Variants in PTPRT observed in about 807,000 individuals in gnomAD.
PTPRT encodes protein tyrosine phosphatase receptor type T, also known as receptor-type tyrosine-protein phosphatase T.
PTPRT carries 56 observed loss-of-function variants against 176.8 expected under a neutral mutation model. That is an observed-to-expected ratio of 0.32 (90% CI 0.26 to 0.40). PTPRT has a LOEUF of 0.40. Ranked by LOEUF, PTPRT falls within the 10% of genes least tolerant of loss-of-function variation. PTPRT has a pLI of 1.00. For missense variants in PTPRT, 1,540 were observed against 1,908.2 expected, an observed-to-expected ratio of 0.81 and a Z score of 3.60; for synonymous variants, 783 against 739.0, an observed-to-expected ratio of 1.06 and a Z score of -0.96.
In PTPRT at chr20:42,315,846, G is replaced by T. The variant is rs1303359688; in HGVS notation, c.2016C>A (p.Asn672Lys). The T allele has an allele frequency of 2.5e-6, 4 of 1,614,078 alleles. No individual in the cohort carries two copies. The highest frequency in any genetic ancestry group is 3.4e-6 in the Non-Finnish European group (4 of 1,180,040). Residue 672 changes from asparagine to lysine, a missense_variant, in exon 12 of 31, where the codon AAC (asparagine) becomes AAA (lysine). By Grantham distance (94) the Asn-to-Lys change is moderately conservative. Around this residue, in one of 11 missense-constraint regions of PTPRT, gnomAD observed 81 missense variants for 89.9 expected, o/e 0.90. Coordinates refer to ENST00000373187, the MANE Select transcript of PTPRT (RefSeq NM_007050.6). ...CTGTAAATGGCTGGGTGACAGGCAGGTTGGCAGGCTTCAACTCAGCAGCAA... is the reference window on the plus strand; with the variant it reads ...CTGTAAATGGCTGGGTGACAGGCAGTTTGGCAGGCTTCAACTCAGCAGCAA... ...HYFAAELKPA[N>K]LPVTQPFTVG...
intron 1 of PTPRT, among the ~76,000 whole-genome samples, chr20:42,915,810 G>A (rs1003433274): frequency 1.3e-5 from 2 of 151,514 alleles, no homozygotes; most frequent in Non-Finnish European, 2.9e-5. Flanking sequence ...TGTTGCCCAG[G>A]CTGGTCTTGA....
intron 1 of PTPRT, among the ~76,000 whole-genome samples, chr20:42,997,265 T>C (rs1285626469): frequency 6.6e-6 from 1 of 152,156 alleles, no homozygotes; most frequent in Non-Finnish European, 1.5e-5. Context: ...TTGTGACTGT[T>C]AACCTTTCCA....
At chr20:42,106,966 A>C (rs377499057) in intron 23 of PTPRT, 45 bp from the exon 24 acceptor site, 1 of 1,600,012 alleles carries the variant, frequency 6.2e-7, no homozygotes. Context: ...CATGGGGGGA[A>C]CCTGCCCTGG....
intron 2 of PTPRT, among the ~76,000 whole-genome samples, chr20:42,837,230 G>C (rs977648308): frequency 6.6e-6 from 1 of 152,146 alleles, no homozygotes; most frequent in East Asian, 1.9e-4. Context: ...AGGCCCATCC[G>C]GAGGACCCTT....
intron 4 of PTPRT, among the ~76,000 whole-genome samples, chr20:42,774,486 G>C (rs997995100): frequency 1.4e-4 from 22 of 152,138 alleles, no homozygotes; most frequent in Non-Finnish European, 2.8e-4. Context: ...ATTTCTCCAG[G>C]CCAGTAAGAA....
At chr20:43,015,956 A>T (rs1985348073) in intron 1 of PTPRT, among the ~76,000 whole-genome samples, 1 of 151,788 alleles carries the variant, frequency 6.6e-6, no homozygotes, top group Admixed American at 6.6e-5. Context: ...AAGAAAAAAA[A>T]AAAAAAGCCC....
At position 42,551,325 on chromosome 20, in the gene PTPRT, A is replaced by C. The variant is rs115508860; in HGVS notation, c.1154-78763T>G. Among the ~76,000 whole-genome samples the C allele has an allele frequency of 4.1e-3, 623 of 152,266 alleles. 4 individuals carry two copies. Among genetic ancestry groups the C allele is most frequent in the African/African-American group, 0.014 (594 of 41,564 alleles). On this transcript the variant is annotated intron_variant, in intron 7 of 30. Transcript: ENST00000373187. ...TTCCCCGTGGGCTCATTCTTTTAGA[A>C]ATAGTCATCAGGCACACACAAAAAG... is the stretch of plus-strand genomic sequence containing the variant.
chr20:42,099,546 C>CGAGG (rs1262251876), intron 26 of PTPRT, among the ~76,000 whole-genome samples: 12 of 28,916 alleles, frequency 4.1e-4, no homozygotes, highest in East Asian at 4.0e-3. Context: ...ATGGCCTGGG[C>CGAGG]GGGGGGGGGG....
At chr20:43,069,703 C>T (rs996802386) in intron 1 of PTPRT, among the ~76,000 whole-genome samples, 8 of 152,104 alleles carry the variant, frequency 5.3e-5, no homozygotes, top group South Asian at 2.1e-4. Context: ...AGGACTGAGT[C>T]GGCTTTTTTA....
chr20:42,142,379 G>A (rs896962153), intron 17 of PTPRT, among the ~76,000 whole-genome samples: 1 of 152,168 alleles, frequency 6.6e-6, no homozygotes, highest in African/African-American at 2.4e-5. Flanking sequence ...TGAGCTTCCA[G>A]TCAACTAGGA....
chr20:42,552,407 G>C (rs2072785608), intron 7 of PTPRT, among the ~76,000 whole-genome samples: 1 of 152,090 alleles, frequency 6.6e-6, no homozygotes, highest in Admixed American at 6.6e-5. Context: ...TTATTCAATA[G>C]TCTTGCCATA....
At chr20:42,795,168 C>A (rs1600749914) in intron 2 of PTPRT, among the ~76,000 whole-genome samples, 1 of 133,600 alleles carries the variant, frequency 7.5e-6, no homozygotes, top group South Asian at 2.4e-4. Flanking sequence ...TAAATACATT[C>A]TTTTCCCTTC....
intron 20 of PTPRT, among the ~76,000 whole-genome samples, chr20:42,118,820 T>C (rs1034523593): frequency 4.0e-5 from 6 of 151,856 alleles, no homozygotes; most frequent in Non-Finnish European, 4.4e-5. Flanking sequence ...TCACCTTATC[T>C]GGACTGTATT....
intron 1 of PTPRT, chr20:42,968,644 A>G (rs1416797258): frequency 2.0e-5 from 3 of 152,252 alleles, no homozygotes; most frequent in African/African-American, 7.2e-5. Context: ...GGGCTGATCA[A>G]TCACTTTCAT....
chr20:42,034,562 C>A, the PTPRT span, among the ~76,000 whole-genome samples: 1 of 152,146 alleles, frequency 6.6e-6, no homozygotes. Flanking sequence ...CTCACTGTTA[C>A]AAGGATCCTC....
intron 1 of PTPRT, among the ~76,000 whole-genome samples, chr20:43,112,022 C>G (rs1284298534): frequency 6.6e-6 from 1 of 152,202 alleles, no homozygotes; most frequent in Non-Finnish European, 1.5e-5. Flanking sequence ...CCCGCCCACT[C>G]CAGGGGAGAA....
chr20:42,706,729 T>A (rs991604129), intron 6 of PTPRT, among the ~76,000 whole-genome samples: 1 of 152,202 alleles, frequency 6.6e-6, no homozygotes, highest in African/African-American at 2.4e-5. Flanking sequence ...TTATGTGCCA[T>A]ACAGAATCTT....
chr20:42,942,221 T>C (rs1980598791), intron 1 of PTPRT, among the ~76,000 whole-genome samples: 1 of 152,194 alleles, frequency 6.6e-6, no homozygotes, highest in Non-Finnish European at 1.5e-5. Context: ...CTGAAAATAG[T>C]ACTTGTTATG....
At chr20:42,549,662 C>T (rs1375543671) in intron 7 of PTPRT, among the ~76,000 whole-genome samples, 3 of 152,162 alleles carry the variant, frequency 2.0e-5, no homozygotes, top group Non-Finnish European at 4.4e-5. Context: ...GTTTATTCAT[C>T]TGCTTAGAGC....
Sources: allele counts gnomAD v4.1 joint callset (sites outside exome capture counted in the v4.1 genomes callset), GRCh38; gene constraint gnomAD v4.1.1; regional missense constraint gnomAD v4.1.1; transcripts MANE v1.5; gene names NCBI Gene and HGNC (gene_info 2026-07-23, HGNC 2026-07-21).